ZFAND3: variants seen among roughly 807,000 people sequenced by gnomAD.
ZFAND3 encodes the protein AN1-type zinc finger protein 3.
In ZFAND3, 10 loss-of-function variants were observed where a neutral mutation model predicts 29.6. The observed-to-expected ratio is 0.34, with a 90% confidence interval of 0.21 to 0.57. ZFAND3 has a LOEUF of 0.57. ZFAND3 is among the 20% of genes least tolerant of loss of function. The probability of loss-of-function intolerance (pLI) is 0.86; values close to 1 mark genes in which losing one functional copy is unlikely to be tolerated. For missense variants in ZFAND3, 230 were observed against 304.5 expected, an observed-to-expected ratio of 0.76 and a Z score of 1.82; for synonymous variants, 128 against 112.6, an observed-to-expected ratio of 1.14 and a Z score of -0.87.
At chr6:37,887,580 G>T (rs1268684663) in intron 1 of ZFAND3, among the ~76,000 whole-genome samples, 1 of 152,186 alleles carries the variant, frequency 6.6e-6, no homozygotes, top group Non-Finnish European at 1.5e-5. Flanking sequence ...GGCTAAGGCT[G>T]ATAAAAGTAT....
intron 2 of ZFAND3, among the ~76,000 whole-genome samples, chr6:38,048,205 C>T (rs960549883): frequency 3.9e-5 from 6 of 151,940 alleles, no homozygotes; most frequent in Non-Finnish European, 8.8e-5. Flanking sequence ...AGGGTTTCGC[C>T]ATGTCCAGGA....
intron 5 of ZFAND3, 85 bp downstream of exon 5, chr6:38,116,824 T>C (rs1765427503): frequency 6.6e-7 from 1 of 1,511,416 alleles, no homozygotes; most frequent in East Asian, 2.3e-5. Flanking sequence ...CTGAAGTCTT[T>C]CGTTCTTCTT....
chr6:37,996,077 C>T (rs1163060648), intron 2 of ZFAND3, among the ~76,000 whole-genome samples: 4 of 149,710 alleles, frequency 2.7e-5, no homozygotes, highest in African/African-American at 4.9e-5. Flanking sequence ...TGCAGTGAGC[C>T]GAGATCACAC....
intron 4 of ZFAND3, among the ~76,000 whole-genome samples, chr6:38,112,827 A>G (rs1268844054): frequency 6.6e-6 from 1 of 152,236 alleles, no homozygotes; most frequent in Non-Finnish European, 1.5e-5. Flanking sequence ...TTAACTAATT[A>G]GCAGAGGAAA....
At chr6:38,109,601 G>T (rs1186789792) in intron 4 of ZFAND3, among the ~76,000 whole-genome samples, 1 of 152,028 alleles carries the variant, frequency 6.6e-6, no homozygotes, top group African/African-American at 2.4e-5. Flanking sequence ...GTATCATGGT[G>T]TACCGCCAAA....
At chr6:37,841,521 T>C (rs1184311001) in intron 1 of ZFAND3, among the ~76,000 whole-genome samples, 1 of 152,222 alleles carries the variant, frequency 6.6e-6, no homozygotes, top group African/African-American at 2.4e-5. Context: ...CCTGGCTCTG[T>C]TGCCCAGGCT....
chr6:37,957,473 C>T (rs6924117), intron 2 of ZFAND3, among the ~76,000 whole-genome samples: 4,504 of 151,906 alleles, frequency 0.03, 173 homozygotes, highest in African/African-American at 0.086. Context: ...ATTAGTGAGG[C>T]ACTTACTAAA....
chr6:38,076,452 G>A (rs1007453522), intron 3 of ZFAND3, among the ~76,000 whole-genome samples: 8 of 152,000 alleles, frequency 5.3e-5, no homozygotes, highest in Non-Finnish European at 1.0e-4. Flanking sequence ...GTGGTAATAC[G>A]ATTTTGTTGA....
chr6:38,152,876 C>CTTGGCCACGGGAGGCTGCTGAGA lies in ZFAND3; in HGVS notation c.*497_*519dup. On this transcript the variant is annotated 3_prime_UTR_variant, in exon 6 of 6. Coordinates refer to ENST00000287218, the MANE Select transcript of ZFAND3 (RefSeq NM_021943.3). ...CAGGATACCTGATGGCCACGTGTGC[C>CTTGGCCACGGGAGGCTGCTGAGA]TTGGCCACGGGAGGCTGCTGAGATT... 1.0e-6 allele frequency: 1 copy of CTTGGCCACGGGAGGCTGCTGAGA among 985,980 alleles called. No homozygotes were observed. The allele number at this position is 985,980 out of a possible 1,614,324, so 61.1% of individuals were successfully genotyped here. A position where few individuals can be genotyped will look rare whatever the true frequency, so the allele number is the denominator to read the frequency against.
intron 2 of ZFAND3, among the ~76,000 whole-genome samples, chr6:38,058,701 C>T (rs531143298): frequency 2.0e-5 from 3 of 152,192 alleles, no homozygotes; most frequent in Non-Finnish European, 4.4e-5. Flanking sequence ...GATTGAAGAC[C>T]ATGGGCTTTG....
intron 2 of ZFAND3, among the ~76,000 whole-genome samples, chr6:37,971,010 T>C (rs1222375897): frequency 6.6e-6 from 1 of 152,236 alleles, no homozygotes; most frequent in Non-Finnish European, 1.5e-5. Flanking sequence ...TGATGATCCT[T>C]GTTGAAAATT....
chr6:37,978,209 G>A (rs1762522318), intron 2 of ZFAND3, among the ~76,000 whole-genome samples: 1 of 152,104 alleles, frequency 6.6e-6, no homozygotes, highest in Non-Finnish European at 1.5e-5. Context: ...TTGAGATCAT[G>A]TTGTTTTTCT....
At chr6:37,908,542 TAAAAAAAAA>T (rs70981504) in intron 1 of ZFAND3, among the ~76,000 whole-genome samples, 4 of 124,130 alleles carry the variant, frequency 3.2e-5, no homozygotes, top group South Asian at 2.7e-4. Context: ...AAAAAAAAAT[TAAAAAAAAA>T]AAAAAAAAGA....
chr6:38,079,329 G>A (rs755224630), intron 3 of ZFAND3, among the ~76,000 whole-genome samples: 6 of 152,140 alleles, frequency 3.9e-5, no homozygotes, highest in Non-Finnish European at 8.8e-5. Flanking sequence ...GTAATATAGT[G>A]AATACATTGG....
chr6:37,920,675 A>G (rs569642332), intron 1 of ZFAND3, among the ~76,000 whole-genome samples: 11 of 152,354 alleles, frequency 7.2e-5, no homozygotes, highest in African/African-American at 2.6e-4. Context: ...TTGCTACATT[A>G]TAGAAACTAA....
intron 1 of ZFAND3, among the ~76,000 whole-genome samples, chr6:37,924,232 A>G (rs1406221591): frequency 6.6e-6 from 1 of 152,018 alleles, no homozygotes; most frequent in African/African-American, 2.4e-5. Context: ...ACAGGCTGAC[A>G]GCCACAGGAA....
intron 2 of ZFAND3, among the ~76,000 whole-genome samples, chr6:37,964,226 C>G (rs1343024103): frequency 5.9e-5 from 9 of 152,316 alleles, no homozygotes; most frequent in Non-Finnish European, 1.0e-4. Flanking sequence ...ATGTCCTGCT[C>G]TGATGCCTAG....
At chr6:37,908,432 C>T (rs1370342975) in intron 1 of ZFAND3, among the ~76,000 whole-genome samples, 1 of 151,386 alleles carries the variant, frequency 6.6e-6, no homozygotes, top group South Asian at 2.1e-4. Flanking sequence ...ATCACATGTG[C>T]CATGCTGGTG....
intron 1 of ZFAND3, among the ~76,000 whole-genome samples, chr6:37,891,797 G>A (rs945750535): frequency 6.6e-6 from 1 of 150,774 alleles, no homozygotes; most frequent in African/African-American, 2.4e-5. Context: ...GGTGGATCTC[G>A]GCTCACTGCA....
Sources: allele counts gnomAD v4.1 joint callset (sites outside exome capture counted in the v4.1 genomes callset), GRCh38; gene constraint gnomAD v4.1.1; transcripts MANE v1.5; gene names NCBI Gene and HGNC (gene_info 2026-07-23, HGNC 2026-07-21).